IRAK1BP1: variants seen among roughly 807,000 people sequenced by gnomAD.
IRAK1BP1 encodes interleukin-1 receptor-associated kinase 1-binding protein 1.
IRAK1BP1 carries 24 observed loss-of-function variants against 28.0 expected under a neutral mutation model. That is an observed-to-expected ratio of 0.86 (90% CI 0.62 to 1.20). The LOEUF (loss-of-function observed/expected upper bound fraction) is 1.20. Among genes scored for constraint, IRAK1BP1 ranks in the 50% most tolerant of loss-of-function variants. IRAK1BP1 has a pLI of 0.00. For missense variants in IRAK1BP1, 336 were observed against 316.7 expected (o/e 1.06, Z -0.46); for synonymous variants, 131 against 116.3 (o/e 1.13, Z -0.81).
chr6:78,885,417 G>A lies in IRAK1BP1; in HGVS notation c.355G>A (p.Glu119Lys). ...TGTGACAAAGGATTTTAGGAGAGTG[G>A]AAAATGCTTATCACATGGAAGCAGA... ...ITVTKDFRRV[E>K]NAYHMEAEVC... Residue 119 changes from glutamate to lysine, a missense_variant, in exon 2 of 4, where the codon GAA (glutamate) becomes AAA (lysine). By Grantham distance (56) the Glu-to-Lys change is moderately conservative. Transcript: ENST00000369940. 1 of 1,579,908 alleles carries A rather than the reference G, an allele frequency of 6.3e-7. No individual in the cohort carries two copies. Among genetic ancestry groups the A allele is most frequent in the Non-Finnish European group, 8.6e-7 (1 of 1,157,542 alleles).
At chr6:78,953,027 CCTT>C in the IRAK1BP1 span, among the ~76,000 whole-genome samples, 2 of 151,152 alleles carry the variant, frequency 1.3e-5, no homozygotes, top group African/African-American at 4.9e-5. Flanking sequence ...TAGATCACTC[CCTT>C]ATATAGGTGT....
At chr6:78,969,389 C>T in the IRAK1BP1 span, among the ~76,000 whole-genome samples, 1 of 152,018 alleles carries the variant, frequency 6.6e-6, no homozygotes, top group African/African-American at 2.4e-5. Context: ...ACCTTAAGTG[C>T]CTGAAAACTT....
chr6:78,973,544 C>A, the IRAK1BP1 span, among the ~76,000 whole-genome samples: 763 of 2,200 alleles, frequency 0.35, 348 homozygotes, highest in South Asian at 1. Context: ...CTTTAAATGT[C>A]AATGGACTAA....
chr6:78,921,155 CA>C (rs1259780136), intron 4 of IRAK1BP1, among the ~76,000 whole-genome samples: 1 of 152,156 alleles, frequency 6.6e-6, no homozygotes, highest in Non-Finnish European at 1.5e-5. Context: ...TGCAAGGGGT[CA>C]GGGAATTCCC....
At chr6:78,960,231 A>C in the IRAK1BP1 span, among the ~76,000 whole-genome samples, 13 of 152,284 alleles carry the variant, frequency 8.5e-5, no homozygotes, top group African/African-American at 3.1e-4. Flanking sequence ...TACTTTAGCA[A>C]TTATCATGTT....
chr6:78,946,098 C>G, exon 5 of IRAK1BP1: 1 of 1,613,834 alleles, frequency 6.2e-7, no homozygotes. Flanking sequence ...GATCTACAAC[C>G]ACTCGGTTGC....
chr6:78,974,830 T>G, the IRAK1BP1 span, among the ~76,000 whole-genome samples: 2 of 150,814 alleles, frequency 1.3e-5, no homozygotes, highest in African/African-American at 4.9e-5. Context: ...CAGGAAGAAG[T>G]TGAATCTCTG....
At chr6:78,976,015 A>G in the IRAK1BP1 span, among the ~76,000 whole-genome samples, 1 of 151,952 alleles carries the variant, frequency 6.6e-6, no homozygotes, top group Non-Finnish European at 1.5e-5. Context: ...ACAGAATTGG[A>G]AAAAACTACT....
the IRAK1BP1 span, chr6:78,956,002 CTTTT>C: frequency 7.0e-4 from 123 of 175,510 alleles, no homozygotes; most frequent in Non-Finnish European, 2.9e-4. Flanking sequence ...CCAACTCTTT[CTTTT>C]ATTTTTAAAT....
chr6:78,971,754 A>G, the IRAK1BP1 span, among the ~76,000 whole-genome samples: 1 of 152,156 alleles, frequency 6.6e-6, no homozygotes, highest in African/African-American at 2.4e-5. Context: ...TCCTAATCAA[A>G]GAAAGGGGTG....
At chr6:78,978,543 GT>G in the IRAK1BP1 span, 2 of 1,488,136 alleles carry the variant, frequency 1.3e-6, no homozygotes, top group Non-Finnish European at 1.8e-6. Context: ...GTTAAAAAAT[GT>G]TTAAAACTAT....
At chr6:78,972,928 G>A in the IRAK1BP1 span, among the ~76,000 whole-genome samples, 6 of 152,182 alleles carry the variant, frequency 3.9e-5, no homozygotes, top group Non-Finnish European at 2.9e-5. Flanking sequence ...GTGATGGGGA[G>A]AATGGAACCA....
intron 4 of IRAK1BP1, among the ~76,000 whole-genome samples, chr6:78,909,459 A>G (rs1772347150): frequency 1.3e-5 from 2 of 152,182 alleles, no homozygotes; most frequent in Admixed American, 6.5e-5. Flanking sequence ...AAGTACTTCA[A>G]CGTTCCCCTG....
chr6:78,892,070 G>T (rs368755828), intron 2 of IRAK1BP1, among the ~76,000 whole-genome samples: 1 of 152,146 alleles, frequency 6.6e-6, no homozygotes, highest in East Asian at 1.9e-4. Flanking sequence ...CCATCTATTA[G>T]TGTACCTCTG....
chr6:78,972,018 A>G, the IRAK1BP1 span, among the ~76,000 whole-genome samples: 2 of 152,106 alleles, frequency 1.3e-5, no homozygotes, highest in Non-Finnish European at 2.9e-5. Context: ...AACTGGGTGG[A>G]GCCCACCACA....
At chr6:78,945,683 C>T (rs1036951008) in exon 5 of IRAK1BP1, 1 of 618,102 alleles carries the variant, frequency 1.6e-6, no homozygotes, top group African/African-American at 1.9e-5. Context: ...ATAGTTTCAG[C>T]CCTTTTAGAA....
At chr6:78,963,772 C>G in the IRAK1BP1 span, among the ~76,000 whole-genome samples, 1 of 152,164 alleles carries the variant, frequency 6.6e-6, no homozygotes, top group African/African-American at 2.4e-5. Flanking sequence ...ACAGTTTTAG[C>G]TGAGAGAATC....
At chr6:78,885,192 T>G (rs754129934) in intron 1 of IRAK1BP1, among the ~76,000 whole-genome samples, 186 bp from the exon 2 acceptor site, 85 of 152,130 alleles carry the variant, frequency 5.6e-4, no homozygotes, top group Non-Finnish European at 1.5e-4. Context: ...TTTATGAAAT[T>G]TTAAGCAAAA....
At chr6:78,978,458 T>A in the IRAK1BP1 span, 2 of 535,674 alleles carry the variant, frequency 3.7e-6, no homozygotes, top group African/African-American at 1.9e-5. Flanking sequence ...ACTTTCTCCA[T>A]ACATAGATAC....
Sources: allele counts gnomAD v4.1 joint callset (sites outside exome capture counted in the v4.1 genomes callset), GRCh38; gene constraint gnomAD v4.1.1; transcripts MANE v1.5; gene names NCBI Gene and HGNC (gene_info 2026-07-23, HGNC 2026-07-21).